The following CEP44 variants were observed in gnomAD, a reference collection of about 807,000 sequenced individuals.
The protein encoded by CEP44 is centrosomal protein 44.
CEP44 carries 45 observed loss-of-function variants against 46.7 expected under a neutral mutation model. The ratio of observed to expected loss-of-function variants is 0.96; its 90% CI spans 0.76 to 1.24. The LOEUF is 1.24. Among genes scored for constraint, CEP44 ranks in the 50% most tolerant of loss-of-function variants. The pLI, the probability that CEP44 is intolerant of heterozygous loss-of-function variation, is 0.00. For synonymous variants in CEP44, 142 were observed against 146.0 expected, an observed-to-expected ratio of 0.97 and a Z score of 0.20; for missense variants, 475 against 459.7, an observed-to-expected ratio of 1.03 and a Z score of -0.30.
chr4:174,285,065 G>T (rs1737423058), intron 1 of CEP44, among the ~76,000 whole-genome samples: 1 of 152,180 alleles, frequency 6.6e-6, no homozygotes, highest in Non-Finnish European at 1.5e-5. Context: ...AAGTTCAATT[G>T]CGCAGATCTG....
rs900815428 is a variant in CEP44, at chr4:174,312,516, C to T, written c.961+1658C>T. 3.3e-5 allele frequency among the ~76,000 whole-genome samples: 5 copies of T among 152,046 alleles called. No homozygotes were observed. Among genetic ancestry groups the T allele is most frequent in the Non-Finnish European group, 4.4e-5 (3 of 67,988 alleles). On this transcript the variant is annotated intron_variant, in intron 9 of 11. Coordinates refer to ENST00000503780, the MANE Select transcript of CEP44 (RefSeq NM_001040157.3). The surrounding 1 kb of genome is among the most constrained non-coding windows in gnomAD (Gnocchi z 4.5). ...ACAAGGTCTTGCTATGTTGCTCAGG[C>T]TGGTCTTGAACTCCTGGGCTCAAGC...
chr4:174,313,466 A>G (rs1012469002), intron 9 of CEP44, among the ~76,000 whole-genome samples: 3 of 151,978 alleles, frequency 2.0e-5, no homozygotes, highest in Non-Finnish European at 4.4e-5. Context: ...GAGCACCTGA[A>G]GGAAGCTGTA....
chr4:174,290,904 C>A lies in CEP44; in HGVS notation c.-148+6961C>A, dbSNP rs1009052776. ...CCCTTTTACTATTATATAATGCCTT[C>A]TTTGTCTCTTTTGACAGTTGTCGAC... On this transcript the variant is annotated intron_variant, in intron 1 of 11. Coordinates refer to ENST00000503780, the MANE Select transcript of CEP44 (RefSeq NM_001040157.3). The surrounding 1 kb of genome is among the most constrained non-coding windows in gnomAD (Gnocchi z 4.3). Among the ~76,000 whole-genome samples, 1 of 152,128 alleles carries A rather than the reference C, an allele frequency of 6.6e-6. No homozygotes were observed. The highest frequency in any genetic ancestry group is 1.5e-5 in the Non-Finnish European group (1 of 68,018).
intron 1 of CEP44, among the ~76,000 whole-genome samples, chr4:174,291,792 T>G (rs544556029): frequency 2.5e-5 from 3 of 118,524 alleles, no homozygotes; most frequent in Admixed American, 2.4e-4. Flanking sequence ...CTTTTCTTTT[T>G]TTTTTTTTTT....
At chr4:174,302,361 CT>C (rs1239930228) in intron 4 of CEP44, among the ~76,000 whole-genome samples, 175 bp downstream of exon 4, 2 of 151,968 alleles carry the variant, frequency 1.3e-5, no homozygotes, top group African/African-American at 2.4e-5. Context: ...TTCATGTTTG[CT>C]TTTTGAATGT....
chr4:174,320,959 T>C (rs377590460), downstream of CEP44, among the ~76,000 whole-genome samples: 1 of 151,876 alleles, frequency 6.6e-6, no homozygotes, highest in Non-Finnish European at 1.5e-5. Flanking sequence ...TGGAGGGAAA[T>C]AATGGGATTT....
At position 174,295,603 on chromosome 4, in the gene CEP44, T is replaced by C. The variant is rs370427497; in HGVS notation, c.-147-2363T>C. Among the ~76,000 whole-genome samples the C allele has an allele frequency of 0.015, 2,336 of 151,946 alleles. 79 individuals carry two copies. The East Asian group carries it at 0.19, about 12-fold the overall frequency. ...GACGGGGTGGCGGCCGGGCAGAGGC[T>C]GCAATCTTGGCACTTTGGGAGGCCA... On this transcript the variant is annotated intron_variant, in intron 1 of 11. Coordinates refer to ENST00000503780, the MANE Select transcript of CEP44 (RefSeq NM_001040157.3).
Position 174,329,501 on chromosome 4 carries a change from GT to G in CEP44, c.1087-1979del, listed in dbSNP as rs1006524137. The stretch of plus-strand genomic sequence containing the variant: ...TTGATATGCCTTCAAAGTTATAAAA[GT>G]TATAAAGTTGTCAATGTTGAAATAT... On this transcript the variant is annotated intron_variant, in intron 8 of 8. Transcript: ENST00000426172. This position sits in a 1 kb window ranked among gnomAD's most constrained non-coding sequence, Gnocchi z 4.0. Among the ~76,000 whole-genome samples, 1 of 152,114 alleles carries G rather than the reference GT, an allele frequency of 6.6e-6. No individual in the cohort carries two copies. The highest frequency in any genetic ancestry group is 2.1e-4 in the South Asian group (1 of 4,832).
intron 6 of CEP44, among the ~76,000 whole-genome samples, chr4:174,308,296 G>A (rs1021297587): frequency 2.0e-5 from 3 of 152,238 alleles, no homozygotes; most frequent in South Asian, 2.1e-4. Context: ...CTCTGTAGCC[G>A]TAAAAAATAA....
chr4:174,312,636 A>G lies in CEP44; in HGVS notation c.961+1778A>G, dbSNP rs79197361. On this transcript the variant is annotated intron_variant, in intron 9 of 11. Coordinates refer to ENST00000503780, the MANE Select transcript of CEP44 (RefSeq NM_001040157.3). The surrounding 1 kb of genome is among the most constrained non-coding windows in gnomAD (Gnocchi z 4.5). ...GCTAAATTTCAACAACTGTGCCAGG[A>G]CTGAAAGTAATTAACAGGCCTCTAT... Among the ~76,000 whole-genome samples, 2,469 of 152,256 alleles carry G rather than the reference A, an allele frequency of 0.016. 56 individuals are homozygous for G. Among genetic ancestry groups the G allele is most frequent in the African/African-American group, 0.056 (2,335 of 41,538 alleles).
downstream of CEP44, among the ~76,000 whole-genome samples, chr4:174,322,359 T>C (rs556384883): frequency 6.6e-6 from 1 of 152,218 alleles, no homozygotes; most frequent in Admixed American, 6.6e-5. Context: ...TGTTCTCCAC[T>C]CTTCATTTCC....
rs537743836 is a variant in CEP44, at chr4:174,317,506, G to A, written c.*123G>A. On this transcript the variant is annotated 3_prime_UTR_variant, in exon 12 of 12. Coordinates refer to ENST00000503780, the MANE Select transcript of CEP44 (RefSeq NM_001040157.3). ...GTTTTTGACAATTTGGATTCCATTT[G>A]GTATATGAATTTTTGCATTCATTAT... is the stretch of plus-strand genomic sequence containing the variant. The A allele has an allele frequency of 5.2e-5, 63 of 1,210,662 alleles. No individual in the cohort carries two copies. In the African/African-American group the frequency reaches 8.3e-4, roughly 16 times the overall value. The allele number at this position is 1,210,662 out of a possible 1,614,324, so 75.0% of individuals were successfully genotyped here.
At chr4:174,328,797 T>C (rs1323683786) in intron 8 of CEP44, among the ~76,000 whole-genome samples, 6 of 152,214 alleles carry the variant, frequency 3.9e-5, no homozygotes, top group Non-Finnish European at 8.8e-5. Context: ...TGCATAGAAG[T>C]TATCAATTAT....
chr4:174,318,424 A>G lies in CEP44; in HGVS notation c.*1041A>G, dbSNP rs1370013665. On this transcript the variant is annotated 3_prime_UTR_variant, in exon 12 of 12. Transcript: ENST00000503780. ...GGTGTTGTGTTTTGTTTTTTTAATG[A>G]TGAAAAGTTACACATTTTTTGGAGA... 4.1e-6 allele frequency: 4 copies of G among 984,604 alleles called. No homozygotes were observed. In the South Asian group the frequency reaches 1.9e-4, roughly 46 times the overall value. 61.0% of individuals were successfully genotyped at this position (984,604 alleles called of 1,614,324 possible). A position where few individuals can be genotyped will look rare whatever the true frequency, so the allele number is the denominator to read the frequency against.
chr4:174,320,911 C>A (rs1742273392), downstream of CEP44, among the ~76,000 whole-genome samples: 1 of 151,866 alleles, frequency 6.6e-6, no homozygotes, highest in South Asian at 2.1e-4. Flanking sequence ...ATCGAAGAAA[C>A]ATAGTAAGAG....
At chr4:174,298,379 T>G (rs1357410040) in intron 2 of CEP44, among the ~76,000 whole-genome samples, 3 of 151,586 alleles carry the variant, frequency 2.0e-5, no homozygotes, top group South Asian at 2.1e-4. Flanking sequence ...GTTTCACCGT[T>G]TTAGCCGGGA....
chr4:174,307,537 A>G (rs1579121713), intron 6 of CEP44, among the ~76,000 whole-genome samples: 1 of 152,252 alleles, frequency 6.6e-6, no homozygotes, highest in East Asian at 1.9e-4. Context: ...AGTACCATTC[A>G]GGACATAGGT....
At position 174,310,809 on chromosome 4, in the gene CEP44, A is replaced by C. The variant is rs766611224; in HGVS notation, c.912A>C (p.Glu304Asp). The C allele has an allele frequency of 6.0e-6, 9 of 1,507,818 alleles. No homozygotes were observed. The South Asian group carries it at 1.1e-4, about 18-fold the overall frequency. The allele number at this position is 1,507,818 out of a possible 1,614,324, so 93.4% of individuals were successfully genotyped here. Residue 304 changes from glutamate (E) to aspartate (D), a missense_variant, in exon 9 of 12, where the codon GAA (glutamate) becomes GAC (aspartate). Coordinates refer to ENST00000503780, the MANE Select transcript of CEP44 (RefSeq NM_001040157.3). This position sits in a 1 kb window ranked among gnomAD's most constrained non-coding sequence, Gnocchi z 4.2. ...ATGATGAATTTATAGAGTTTAATGAAGTTAGTGAAGACTACGCTTCTTGTA... is the reference window on the plus strand; with the variant it reads ...ATGATGAATTTATAGAGTTTAATGACGTTAGTGAAGACTACGCTTCTTGTA... ...KKNDEFIEFN[E>D]VSEDYASCSD...
At chr4:174,285,747 GA>G (rs1737517702) in intron 1 of CEP44, among the ~76,000 whole-genome samples, 1 of 152,186 alleles carries the variant, frequency 6.6e-6, no homozygotes, top group South Asian at 2.1e-4. Context: ...TCTGGAACCC[GA>G]AAGAAGCTCA....
Sources: allele counts gnomAD v4.1 joint callset (sites outside exome capture counted in the v4.1 genomes callset), GRCh38; gene constraint gnomAD v4.1.1; non-coding constraint Gnocchi (gnomAD v3.1); transcripts MANE v1.5; gene names NCBI Gene and HGNC (gene_info 2026-07-23, HGNC 2026-07-21).